EPB41L2: variants seen among roughly 807,000 people sequenced by gnomAD.
EPB41L2 encodes the protein erythrocyte membrane protein band 4.1 like 2, also known as band 4.1-like protein 2.
Under a neutral mutation model 113.0 loss-of-function variants are expected in EPB41L2, and 43 were observed. That is an observed-to-expected ratio of 0.38 (90% CI 0.30 to 0.49). The LOEUF is 0.49. Among genes scored for constraint, EPB41L2 ranks in the 20% least tolerant of loss-of-function variants. The pLI, the probability that EPB41L2 is intolerant of heterozygous loss-of-function variation, is 0.95. For synonymous variants in EPB41L2, 442 were observed against 436.7 expected, an observed-to-expected ratio of 1.01 and a Z score of -0.15; for missense variants, 1,147 against 1,223.4, an observed-to-expected ratio of 0.94 and a Z score of 0.93.
chr6:130,955,321 T>C lies in EPB41L2; in HGVS notation c.493-4A>G. ...CCTTACTTACTAATTCAGTAGGCTG[T>C]TGAGGAAAAAAAAATAAATTCATAC... On this transcript the variant is annotated splice_polypyrimidine_tract_variant and splice_region_variant and intron_variant, in intron 2 of 19. Coordinates refer to ENST00000337057, the MANE Select transcript of EPB41L2 (RefSeq NM_001431.4). The C allele has an allele frequency of 6.3e-7, 1 of 1,576,126 alleles. No individual in the cohort carries two copies. Among genetic ancestry groups the C allele is most frequent in the Middle Eastern group, 1.7e-4 (1 of 6,034 alleles).
At chr6:130,850,292 CAT>C (rs1424555611) in intron 19 of EPB41L2, among the ~76,000 whole-genome samples, 1 of 152,088 alleles carries the variant, frequency 6.6e-6, no homozygotes, top group Non-Finnish European at 1.5e-5. Context: ...CACTTTTAAA[CAT>C]ATTTGCCCTG....
intron 1 of EPB41L2, among the ~76,000 whole-genome samples, chr6:130,971,186 C>T (rs1776686384): frequency 1.3e-5 from 2 of 152,162 alleles, no homozygotes; most frequent in Non-Finnish European, 1.5e-5. Context: ...TGTGAGCCAC[C>T]GCGTCCGGCC....
At chr6:131,036,922 A>C (rs1793439831) in intron 1 of EPB41L2, among the ~76,000 whole-genome samples, 1 of 152,186 alleles carries the variant, frequency 6.6e-6, no homozygotes, top group African/African-American at 2.4e-5. Context: ...TTCCACTGAG[A>C]GGGGCAGGAA....
chr6:130,987,038 ATGT>A (rs901130539), intron 1 of EPB41L2, among the ~76,000 whole-genome samples: 8 of 152,142 alleles, frequency 5.3e-5, no homozygotes, highest in African/African-American at 1.9e-4. Context: ...AGGTTCATAC[ATGT>A]TGTAACATAT....
At chr6:130,968,729 C>A (rs1775974485) in intron 1 of EPB41L2, among the ~76,000 whole-genome samples, 1 of 135,352 alleles carries the variant, frequency 7.4e-6, no homozygotes, top group African/African-American at 3.5e-5. Flanking sequence ...TGCTATAAAA[C>A]CTTTTTTTTT....
At chr6:131,002,355 GAAGA>G (rs1487066573) in intron 1 of EPB41L2, among the ~76,000 whole-genome samples, 2 of 152,190 alleles carry the variant, frequency 1.3e-5, no homozygotes, top group Non-Finnish European at 2.9e-5. Context: ...AGGGGAGAGA[GAAGA>G]AAGAAGGGGA....
At chr6:130,958,935 T>C (rs1240768624) in intron 1 of EPB41L2, among the ~76,000 whole-genome samples, 4 of 152,150 alleles carry the variant, frequency 2.6e-5, no homozygotes, top group Non-Finnish European at 5.9e-5. Flanking sequence ...AAGCACAGGA[T>C]GAAAGAAAAG....
chr6:130,868,889 T>A (rs930373574), intron 15 of EPB41L2: 1 of 152,332 alleles, frequency 6.6e-6, no homozygotes, highest in Admixed American at 6.5e-5. Flanking sequence ...CAGGATAGAA[T>A]GAGAAGCGAG....
chr6:131,000,529 G>A (rs1784127932), intron 1 of EPB41L2: 1 of 152,092 alleles, frequency 6.6e-6, no homozygotes, highest in Admixed American at 6.5e-5. Flanking sequence ...AAAATTCACA[G>A]GTATTCCTTC....
chr6:130,873,515 G>A (rs1001284811), intron 14 of EPB41L2, among the ~76,000 whole-genome samples: 1 of 150,208 alleles, frequency 6.7e-6, no homozygotes, highest in African/African-American at 2.5e-5. Context: ...TCAGGCTGGA[G>A]TGCAGTGTGC....
chr6:131,062,140 C>T (rs932479801), intron 1 of EPB41L2, among the ~76,000 whole-genome samples: 2 of 151,740 alleles, frequency 1.3e-5, no homozygotes, highest in Non-Finnish European at 2.9e-5. Flanking sequence ...GACCCCTCCC[C>T]AAAATAATAG....
intron 5 of EPB41L2, among the ~76,000 whole-genome samples, chr6:130,907,604 G>C (rs903326607): frequency 6.6e-6 from 1 of 151,952 alleles, no homozygotes; most frequent in Non-Finnish European, 1.5e-5. Context: ...TTTTAAAAAG[G>C]AAAAGAAAGA....
intron 13 of EPB41L2, among the ~76,000 whole-genome samples, chr6:130,879,849 G>T (rs1332146070): frequency 2.6e-5 from 4 of 152,156 alleles, no homozygotes; most frequent in African/African-American, 9.7e-5. Flanking sequence ...AACCCTTTAG[G>T]AGAGAATAGG....
In EPB41L2 at chr6:130,956,266, T is replaced by C; in HGVS notation, c.220A>G (p.Ile74Val). The change falls in exon 2 of 20, where the codon ATT (isoleucine) becomes GTT (valine). Residue 74 changes from isoleucine (I) to valine (V), a missense_variant. Transcript: ENST00000337057. ...REKETSESRG[I>V]SRFIPPWLKK... ...AGCCATGGCGGTATGAACCGAGAAA[T>C]ACCCCTGCTCTCCGATGTTTCCTTC... The C allele has an allele frequency of 6.2e-7, 1 of 1,614,204 alleles. No individual in the cohort carries two copies. Among genetic ancestry groups the C allele is most frequent in the Non-Finnish European group, 8.5e-7 (1 of 1,180,036 alleles).
intron 1 of EPB41L2, among the ~76,000 whole-genome samples, chr6:131,010,356 G>A (rs1164268127): frequency 6.6e-6 from 1 of 152,032 alleles, no homozygotes; most frequent in East Asian, 1.9e-4. Flanking sequence ...TGGACATCAA[G>A]GGCCATTTCT....
At position 130,869,774 on chromosome 6, in the gene EPB41L2, G is replaced by A; in HGVS notation, c.2396C>T (p.Pro799Leu). Residue 799 changes from proline (P) to leucine (L), a missense_variant, in exon 15 of 20, where the codon CCA becomes CTA. Coordinates refer to ENST00000337057, the MANE Select transcript of EPB41L2 (RefSeq NM_001431.4). ...EREEAVPEAS[P>L]VTQAGASVIT... ...TACACTGGCACCTGCTTGTGTGACT[G>A]GGCTGGCTTCGGGCACTGCTTCCTC... 1 of 1,614,040 alleles carries A rather than the reference G, an allele frequency of 6.2e-7. No individual in the cohort carries two copies. Among genetic ancestry groups the A allele is most frequent in the Non-Finnish European group, 8.5e-7 (1 of 1,180,020 alleles).
chr6:130,841,624 G>C (rs1262410579), intron 19 of EPB41L2, among the ~76,000 whole-genome samples: 5 of 152,190 alleles, frequency 3.3e-5, no homozygotes, highest in Non-Finnish European at 2.9e-5. Context: ...ACAGAAATCA[G>C]GTGGGAGAGA....
At chr6:130,878,399 C>A in intron 13 of EPB41L2, 149 bp from the exon 14 acceptor site, 1 of 819,198 alleles carries the variant, frequency 1.2e-6, no homozygotes, top group Non-Finnish European at 1.8e-6. Flanking sequence ...TCTCTAAAGC[C>A]ATATTATTAT....
chr6:130,916,290 C>T (rs1801061852), intron 4 of EPB41L2, among the ~76,000 whole-genome samples: 1 of 152,092 alleles, frequency 6.6e-6, no homozygotes, highest in Non-Finnish European at 1.5e-5. Context: ...TCTCCTTAAT[C>T]TTACTCTTTA....
Sources: allele counts gnomAD v4.1 joint callset (sites outside exome capture counted in the v4.1 genomes callset), GRCh38; gene constraint gnomAD v4.1.1; transcripts MANE v1.5; gene names NCBI Gene and HGNC (gene_info 2026-07-23, HGNC 2026-07-21).